PCDHGB4: variants seen among roughly 807,000 people sequenced by gnomAD.
PCDHGB4 encodes protocadherin gamma subfamily B, 4.
Under a neutral mutation model 60.5 loss-of-function variants are expected in PCDHGB4, and 38 were observed. That is an observed-to-expected ratio of 0.63 (90% CI 0.48 to 0.82). PCDHGB4 has a LOEUF of 0.82. PCDHGB4 is among the 40% of genes least tolerant of loss of function. PCDHGB4 has a pLI of 0.00. For missense variants in PCDHGB4, 1,109 were observed against 1,209.6 expected (o/e 0.92, Z 1.23); for synonymous variants, 456 against 509.7 (o/e 0.89, Z 1.42).
intron 1 of PCDHGB4, chr5:141,413,419 A>C: frequency 6.2e-7 from 1 of 1,614,084 alleles, no homozygotes; most frequent in Non-Finnish European, 8.5e-7. Context: ...TTTCTCTCTG[A>C]ACCCGCGCAG....
Position 141,486,255 on chromosome 5 carries a change from A to G in PCDHGB4, c.2398-8552A>G. 1 of 1,614,028 alleles carries G rather than the reference A, an allele frequency of 6.2e-7. No homozygotes were observed. Reference sequence around the variant, plus strand: ...ACCTCAGAGCTTGGAACCCTCCCCGAGAGTGCAGAACCTGGCACTGTGGTG... The same window carrying G: ...ACCTCAGAGCTTGGAACCCTCCCCGGGAGTGCAGAACCTGGCACTGTGGTG... On this transcript the variant is annotated intron_variant, in intron 1 of 3. Coordinates refer to ENST00000519479, the MANE Select transcript of PCDHGB4 (RefSeq NM_003736.4). This position sits in a 1 kb window ranked among gnomAD's most constrained non-coding sequence, Gnocchi z 5.0.
intron 3 of PCDHGB4, 124 bp from the exon 4 acceptor site, chr5:141,510,823 C>A: frequency 6.4e-7 from 1 of 1,562,432 alleles, no homozygotes. Context: ...CCTATATTCC[C>A]AGTGCTCAGC....
chr5:141,447,356 C>T (rs1158878203), intron 1 of PCDHGB4, among the ~76,000 whole-genome samples: 4 of 152,000 alleles, frequency 2.6e-5, no homozygotes, highest in African/African-American at 9.7e-5. Context: ...TCAGGCTGGT[C>T]TCAAACTCCT....
chr5:141,409,023 A>C, intron 1 of PCDHGB4: 1 of 1,614,044 alleles, frequency 6.2e-7, no homozygotes, highest in Non-Finnish European at 8.5e-7. Flanking sequence ...GAGGGGGTCA[A>C]TGCTGAGATA....
At position 141,393,784 on chromosome 5, in the gene PCDHGB4, T is replaced by A. The variant is rs1554094164; in HGVS notation, c.2397+3503T>A. 3 of 1,613,864 alleles carry A rather than the reference T, an allele frequency of 1.9e-6. No homozygotes were observed. The South Asian group carries it at 3.3e-5, about 18-fold the overall frequency. ...GAAATGGAAATACAAGCCGAAGATG[T>A]GGGGGCACTTCTGGGGAGGACCAAA... On this transcript the variant is annotated intron_variant, in intron 1 of 3. Coordinates refer to ENST00000519479, the MANE Select transcript of PCDHGB4 (RefSeq NM_003736.4).
chr5:141,490,419 G>T lies in PCDHGB4; in HGVS notation c.2398-4388G>T, dbSNP rs1424302713. ...TGAGCCTTGATATCTCTCCGGACCT[G>T]CCATTTCAGATTAAGCCTTCTGAGA... is the stretch of plus-strand genomic sequence containing the variant. On this transcript the variant is annotated intron_variant, in intron 1 of 3. Transcript: ENST00000519479. The surrounding 1 kb of genome is among the most constrained non-coding windows in gnomAD (Gnocchi z 5.4). The T allele has an allele frequency of 6.2e-7, 1 of 1,614,170 alleles. No homozygotes were observed. The highest frequency in any genetic ancestry group is 8.5e-7 in the Non-Finnish European group (1 of 1,180,020).
chr5:141,442,796 T>G (rs909745554), intron 1 of PCDHGB4, among the ~76,000 whole-genome samples: 16 of 152,326 alleles, frequency 1.1e-4, no homozygotes, highest in African/African-American at 3.8e-4. Context: ...AATTTTACTT[T>G]GATATTCAAA....
At chr5:141,422,470 T>G in intron 1 of PCDHGB4, 1 of 1,613,440 alleles carries the variant, frequency 6.2e-7, no homozygotes, top group South Asian at 1.1e-5. Flanking sequence ...GGACAGGGAG[T>G]TGGTCCAGAG....
In PCDHGB4 at chr5:141,432,976, C is replaced by A. The variant is rs373558125; in HGVS notation, c.2397+42695C>A. The stretch of plus-strand genomic sequence containing the variant: ...GCTTGACAGGAGCGCCGGCGTCGCA[C>A]TTTGTGGGCGTGGACGGGGTGCAGG... On this transcript the variant is annotated intron_variant, in intron 1 of 3. Coordinates refer to ENST00000519479, the MANE Select transcript of PCDHGB4 (RefSeq NM_003736.4). This position sits in a 1 kb window ranked among gnomAD's most constrained non-coding sequence, Gnocchi z 6.0. 1 of 1,614,210 alleles carries A rather than the reference C, an allele frequency of 6.2e-7. No individual in the cohort carries two copies.
chr5:141,481,362 A>G (rs2099536613), intron 1 of PCDHGB4, among the ~76,000 whole-genome samples: 1 of 152,252 alleles, frequency 6.6e-6, no homozygotes, highest in African/African-American at 2.4e-5. Context: ...CAGCTGTTCA[A>G]TAGATATTGG....
At chr5:141,433,295 G>A (rs754784548) in intron 1 of PCDHGB4, 22 of 1,044,006 alleles carry the variant, frequency 2.1e-5, no homozygotes, top group Non-Finnish European at 2.9e-5. Flanking sequence ...CTAGGCTCAA[G>A]CAATTATCCC....
intron 1 of PCDHGB4, chr5:141,408,042 C>T (rs2095031452): frequency 1.7e-6 from 2 of 1,204,046 alleles, no homozygotes; most frequent in Non-Finnish European, 2.2e-6. Flanking sequence ...AACCAGCTCC[C>T]ACACAGAGCC....
rs767983504 is a variant in PCDHGB4, at chr5:141,393,225, C to T, written c.2397+2944C>T. On this transcript the variant is annotated intron_variant, in intron 1 of 3. Coordinates refer to ENST00000519479, the MANE Select transcript of PCDHGB4 (RefSeq NM_003736.4). ...TAACCCAAAATTCCAGGTCGAAGATCTAGAAGTAAAAATTAACGAAATCGC... is the reference window on the plus strand; with the variant it reads ...TAACCCAAAATTCCAGGTCGAAGATTTAGAAGTAAAAATTAACGAAATCGC... 7 of 1,613,552 alleles carry T rather than the reference C, an allele frequency of 4.3e-6. No individual in the cohort carries two copies. The South Asian group carries it at 5.5e-5, about 13-fold the overall frequency.
At chr5:141,430,782 G>A (rs1220976669) in intron 1 of PCDHGB4, 2 of 1,510,858 alleles carry the variant, frequency 1.3e-6, no homozygotes, top group Non-Finnish European at 1.8e-6. Flanking sequence ...CGACTGCACC[G>A]GGACTACAAA....
intron 1 of PCDHGB4, chr5:141,419,140 G>A (rs1359933027): frequency 1.2e-6 from 2 of 1,613,750 alleles, no homozygotes; most frequent in East Asian, 2.2e-5. Flanking sequence ...CCACAGACAG[G>A]GGCAAGCCTC....
intron 2 of PCDHGB4, among the ~76,000 whole-genome samples, chr5:141,504,039 AC>A (rs1396515708): frequency 6.6e-6 from 1 of 152,184 alleles, no homozygotes; most frequent in African/African-American, 2.4e-5. Context: ...CATTTAGGCA[AC>A]AAATATTTAT....
chr5:141,491,361 C>T lies in PCDHGB4; in HGVS notation c.2398-3446C>T. 1 of 1,614,132 alleles carries T rather than the reference C, an allele frequency of 6.2e-7. No homozygotes were observed. The highest frequency in any genetic ancestry group is 8.5e-7 in the Non-Finnish European group (1 of 1,179,982). ...CGACCGTCAGTCTCTTATCCCTAGT[C>T]ACCTTCACCTTTCTGTCAGCGAAGT... On this transcript the variant is annotated intron_variant, in intron 1 of 3. Transcript: ENST00000519479. The surrounding 1 kb of genome is among the most constrained non-coding windows in gnomAD (Gnocchi z 6.9).
At chr5:141,404,560 C>T (rs2094540099) in intron 1 of PCDHGB4, 37 of 1,613,460 alleles carry the variant, frequency 2.3e-5, no homozygotes, top group Non-Finnish European at 3.1e-5. Flanking sequence ...CGGCAAGTGA[C>T]AGTGGAAGCC....
In PCDHGB4 at chr5:141,431,570, G is replaced by A. The variant is rs754760314; in HGVS notation, c.2397+41289G>A. 7 of 1,614,172 alleles carry A rather than the reference G, an allele frequency of 4.3e-6. No individual in the cohort carries two copies. Among genetic ancestry groups the A allele is most frequent in the Non-Finnish European group, 5.9e-6 (7 of 1,180,024 alleles). ...TGTAGTCAACGCTACCGACCCTGAC[G>A]AAGGAGTCAATGCGGAAGTGAGGTA... On this transcript the variant is annotated intron_variant, in intron 1 of 3. Transcript: ENST00000519479. The surrounding 1 kb of genome is among the most constrained non-coding windows in gnomAD (Gnocchi z 4.8).
Sources: gnomAD v4.1 joint callset for allele counts (sites outside exome capture counted in the v4.1 genomes callset) on GRCh38, gnomAD v4.1.1 for gene constraint, Gnocchi (gnomAD v3.1) non-coding constraint, MANE v1.5 for transcripts, NCBI Gene and HGNC (gene_info 2026-07-23, HGNC 2026-07-21) for gene names.